UBLCP1: variants seen among roughly 807,000 people sequenced by gnomAD.
UBLCP1 encodes ubiquitin like domain containing CTD phosphatase 1.
A neutral mutation model predicts 42.4 loss-of-function variants in UBLCP1; 28 were observed. That is an observed-to-expected ratio of 0.66 (90% CI 0.49 to 0.90). UBLCP1 has a LOEUF of 0.90. Ranked by LOEUF, UBLCP1 falls within the 40% of genes least tolerant of loss-of-function variation. The probability of loss-of-function intolerance (pLI) is 0.00; values close to 1 mark genes in which losing one functional copy is unlikely to be tolerated. For synonymous variants in UBLCP1, 122 were observed against 120.8 expected, an observed-to-expected ratio of 1.01 and a Z score of -0.07; for missense variants, 279 against 374.5, an observed-to-expected ratio of 0.75 and a Z score of 2.10.
intron 1 of UBLCP1, among the ~76,000 whole-genome samples, chr5:159,267,782 G>A (rs899036914): frequency 6.6e-6 from 1 of 152,186 alleles, no homozygotes; most frequent in Non-Finnish European, 1.5e-5. Flanking sequence ...AGGGGTTTCC[G>A]CTTTTGCTTC....
intron 1 of UBLCP1, among the ~76,000 whole-genome samples, chr5:159,266,622 C>T (rs986872039): frequency 1.3e-5 from 2 of 152,332 alleles, no homozygotes; most frequent in African/African-American, 4.8e-5. Flanking sequence ...CAGGCTATGT[C>T]AAAGACCTTC....
Position 159,285,685 on chromosome 5 carries a change from TC to T in UBLCP1, c.*756del, listed in dbSNP as rs1230058645. 1 of 152,300 alleles carries T rather than the reference TC, an allele frequency of 6.6e-6. No homozygotes were observed. Among genetic ancestry groups the T allele is most frequent in the Non-Finnish European group, 1.5e-5 (1 of 68,008 alleles). 9.4% of individuals were successfully genotyped at this position (152,300 alleles called of 1,614,324 possible). A position where few individuals can be genotyped will look rare whatever the true frequency, so the allele number is the denominator to read the frequency against. On this transcript the variant is annotated 3_prime_UTR_variant, in exon 11 of 11. Transcript: ENST00000296786. Reference sequence around the variant, plus strand: ...TCTTTTTGGTGGCTAAGTAGAATCTTCCTAAAACCATTGTCATAAAAGCAGT... The same window carrying T: ...TCTTTTTGGTGGCTAAGTAGAATCTTCTAAAACCATTGTCATAAAAGCAGT...
In UBLCP1 at chr5:159,278,309, T is replaced by C; in HGVS notation, c.756T>C (p.Asp252=). Residue 252 remains aspartate (D), a synonymous_variant, in exon 9 of 11, where the codon GAT becomes GAC. Transcript: ENST00000296786. ...GCAAGAAAAACACCATTATGTTTGA[T>C]GACATAGGGAGAAATTTTCTAATGA... is the stretch of plus-strand genomic sequence containing the variant. ...FYSKKNTIMF[D]DIGRNFLMNP... The C allele has an allele frequency of 6.2e-7, 1 of 1,613,962 alleles. No individual in the cohort carries two copies. The highest frequency in any genetic ancestry group is 8.5e-7 in the Non-Finnish European group (1 of 1,179,894).
chr5:159,263,483 C>T (rs1172837962), intron 1 of UBLCP1, 123 bp downstream of exon 1: 1 of 152,412 alleles, frequency 6.6e-6, no homozygotes, highest in African/African-American at 2.4e-5. Flanking sequence ...AGTGTCTGTC[C>T]TAGTCTGACG....
intron 6 of UBLCP1, among the ~76,000 whole-genome samples, chr5:159,273,957 T>C (rs1328043779): frequency 2.0e-5 from 3 of 152,096 alleles, no homozygotes; most frequent in Non-Finnish European, 1.5e-5. Flanking sequence ...GGAGAGCACA[T>C]AAAGATGAGG....
At position 159,268,998 on chromosome 5, in the gene UBLCP1, T is replaced by C; in HGVS notation, c.83T>C (p.Leu28Pro). 6.2e-7 allele frequency: 1 copy of C among 1,611,494 alleles called. No individual in the cohort carries two copies. Among genetic ancestry groups the C allele is most frequent in the Non-Finnish European group, 8.5e-7 (1 of 1,179,048 alleles). The change falls in exon 2 of 11, where the codon CTC becomes CCC. Residue 28 changes from leucine to proline, a missense_variant. Coordinates refer to ENST00000296786, the MANE Select transcript of UBLCP1 (RefSeq NM_145049.5). ...TLSEDDTVLD[L>P]KQFLKTLTGV... The stretch of plus-strand genomic sequence containing the variant: ...TCAGAAGATGATACTGTGCTCGATC[T>C]CAAACAGTTTCTCAAGACCCTTACA...
At chr5:159,284,407 A>G (rs997327044) in intron 10 of UBLCP1, among the ~76,000 whole-genome samples, 1 of 152,244 alleles carries the variant, frequency 6.6e-6, no homozygotes, top group African/African-American at 2.4e-5. Flanking sequence ...TTGCTTAGTA[A>G]TGTCTTATAT....
intron 10 of UBLCP1, 51 bp downstream of exon 10, chr5:159,283,390 T>A (rs762442505): frequency 6.8e-7 from 1 of 1,462,486 alleles, no homozygotes; most frequent in Admixed American, 2.3e-5. Context: ...GAAGAAAAAA[T>A]TATCATTTTT....
At chr5:159,279,542 A>T (rs1269895424) in intron 9 of UBLCP1, among the ~76,000 whole-genome samples, 6 of 84,088 alleles carry the variant, frequency 7.1e-5, no homozygotes, top group Non-Finnish European at 1.6e-4. Flanking sequence ...TTAAAAGACA[A>T]GAGAGAAAAA....
Position 159,283,298 on chromosome 5 carries a change from A to C in UBLCP1, c.888A>C (p.Lys296Asn), listed in dbSNP as rs758612453. 1.2e-6 allele frequency: 2 copies of C among 1,603,184 alleles called. No homozygotes were observed. The highest frequency in any genetic ancestry group is 1.7e-6 in the Non-Finnish European group (2 of 1,176,092). Residue 296 changes from lysine to asparagine, a missense_variant, in exon 10 of 11, where the codon AAA becomes AAC. Transcript: ENST00000296786. The stretch of plus-strand genomic sequence containing the variant: ...CTCAGTACCTCAAGGAGATAGCAAA[A>C]TTAGATGACTTTTTGGATCTAAATC... ...KLTQYLKEIA[K>N]LDDFLDLNHK...
At position 159,269,074 on chromosome 5, in the gene UBLCP1, T is replaced by C. The variant is rs769032047; in HGVS notation, c.154+5T>C. 1.3e-6 allele frequency: 2 copies of C among 1,539,990 alleles called. No individual in the cohort carries two copies. The highest frequency in any genetic ancestry group is 1.3e-5 in the South Asian group (1 of 76,086). ...TACTTGGACTCAAAGTTAAAGGTAATTCTCTCCCCTCTTCAGATTTTTTGC... is the reference window on the plus strand; with the variant it reads ...TACTTGGACTCAAAGTTAAAGGTAACTCTCTCCCCTCTTCAGATTTTTTGC... On this transcript the variant is annotated splice_donor_5th_base_variant and intron_variant, in intron 2 of 10. Coordinates refer to ENST00000296786, the MANE Select transcript of UBLCP1 (RefSeq NM_145049.5).
At chr5:159,283,489 C>A (rs1753631869) in intron 10 of UBLCP1, 150 bp downstream of exon 10, 1 of 626,990 alleles carries the variant, frequency 1.6e-6, no homozygotes, top group African/African-American at 1.9e-5. Context: ...AGTGACCTAC[C>A]CCCAAAAGTA....
intron 10 of UBLCP1, 46 bp from the exon 11 acceptor site, chr5:159,284,858 A>C: frequency 6.2e-7 from 1 of 1,606,172 alleles, no homozygotes; most frequent in East Asian, 2.2e-5. Context: ...TATCTTCATG[A>C]ATTTAGCATG....
intron 9 of UBLCP1, among the ~76,000 whole-genome samples, chr5:159,280,990 G>A (rs970338615): frequency 2.0e-5 from 3 of 152,196 alleles, no homozygotes; most frequent in African/African-American, 7.2e-5. Flanking sequence ...TGTCCTTTTA[G>A]TGATCACTTA....
chr5:159,279,078 G>C (rs1753573835), intron 9 of UBLCP1, among the ~76,000 whole-genome samples: 1 of 152,094 alleles, frequency 6.6e-6, no homozygotes, highest in African/African-American at 2.4e-5. Flanking sequence ...AAAATTCCTA[G>C]ACGGCAAGTA....
chr5:159,273,094 A>G (rs1428541853), intron 6 of UBLCP1, among the ~76,000 whole-genome samples: 1 of 152,224 alleles, frequency 6.6e-6, no homozygotes, highest in African/African-American at 2.4e-5. Flanking sequence ...ATTTTTCCTT[A>G]TAATCAGAGT....
At chr5:159,273,554 C>A (rs914795533) in intron 6 of UBLCP1, among the ~76,000 whole-genome samples, 1 of 152,088 alleles carries the variant, frequency 6.6e-6, no homozygotes, top group Non-Finnish European at 1.5e-5. Flanking sequence ...AATATAGCAA[C>A]TAGTACTATG....
intron 1 of UBLCP1, among the ~76,000 whole-genome samples, chr5:159,266,208 T>G (rs1753389113): frequency 6.6e-6 from 1 of 152,204 alleles, no homozygotes; most frequent in South Asian, 2.1e-4. Context: ...TTCTGATAGC[T>G]ATATGAACCA....
intron 5 of UBLCP1, 71 bp from the exon 6 acceptor site, chr5:159,271,952 A>T: frequency 9.7e-7 from 1 of 1,035,568 alleles, no homozygotes; most frequent in Non-Finnish European, 1.5e-6. Flanking sequence ...TATTACATTT[A>T]ATAATAATTG....
Sources: allele counts gnomAD v4.1 joint callset (sites outside exome capture counted in the v4.1 genomes callset), GRCh38; gene constraint gnomAD v4.1.1; transcripts MANE v1.5; gene names NCBI Gene and HGNC (gene_info 2026-07-23, HGNC 2026-07-21).